The following FAT2 variants were observed in gnomAD, a reference collection of about 807,000 sequenced individuals.
FAT2 encodes FAT atypical cadherin 2, also known as protocadherin Fat 2.
In FAT2, 150 loss-of-function variants were observed where a neutral mutation model predicts 295.3. That is an observed-to-expected ratio of 0.51 (90% CI 0.44 to 0.58). The LOEUF (loss-of-function observed/expected upper bound fraction) is 0.58, where lower values mean the gene tolerates loss of function less well. FAT2 is among the 20% of genes least tolerant of loss of function. The pLI, the probability that FAT2 is intolerant of heterozygous loss-of-function variation, is 0.00. For synonymous variants in FAT2, 2,026 were observed against 2,150.3 expected, an observed-to-expected ratio of 0.94 and a Z score of 1.60; for missense variants, 4,868 against 5,442.7, an observed-to-expected ratio of 0.89 and a Z score of 3.32.
In FAT2 at chr5:151,505,241, G is replaced by A; in HGVS notation, c.*324C>T. The stretch of plus-strand genomic sequence containing the variant: ...CACAGTCAATCAGGCTCTGCCCCGG[G>A]GACTGAGAGCCGGCAGATCAGGGAG... On this transcript the variant is annotated 3_prime_UTR_variant, in exon 24 of 24. Transcript: ENST00000261800. 2 of 434,482 alleles carry A rather than the reference G, an allele frequency of 4.6e-6. No individual in the cohort carries two copies. Among genetic ancestry groups the A allele is most frequent in the Non-Finnish European group, 8.3e-6 (2 of 240,594 alleles). The allele number at this position is 434,482 out of a possible 1,614,324, so 26.9% of individuals were successfully genotyped here.
At chr5:151,553,154 T>C (rs2127626539) in intron 6 of FAT2, 23 bp downstream of exon 6, 1 of 1,611,306 alleles carries the variant, frequency 6.2e-7, no homozygotes, top group East Asian at 2.2e-5. Flanking sequence ...TTGGCCCTTG[T>C]TGGGCCCTAG....
Position 151,546,217 on chromosome 5 carries a change from G to A in FAT2, c.4910C>T (p.Ser1637Phe), listed in dbSNP as rs1277003733. Reference protein sequence around the residue: ...TLTVKAEDQGSPQWHDLATVI... With the variant: ...TLTVKAEDQGFPQWHDLATVI... ...TGTAGCCAGGTCATGCCATTGTGGG[G>A]AGCCTTGATCTTCTGCCTTCACTGT... Residue 1637 changes from serine (S) to phenylalanine (F), a missense_variant, in exon 10 of 24, where the codon TCC becomes TTC. Coordinates refer to ENST00000261800, the MANE Select transcript of FAT2 (RefSeq NM_001447.3). The A allele has an allele frequency of 1.2e-6, 2 of 1,614,052 alleles. No individual in the cohort carries two copies. The highest frequency in any genetic ancestry group is 1.3e-5 in the African/African-American group (1 of 74,932).
intron 1 of FAT2, among the ~76,000 whole-genome samples, chr5:151,589,841 C>A (rs1433692133): frequency 1.3e-5 from 2 of 152,168 alleles, no homozygotes; most frequent in Non-Finnish European, 2.9e-5. Flanking sequence ...GTGGAAGCTG[C>A]ATGATAATGC....
In FAT2 at chr5:151,521,355, C is replaced by G; in HGVS notation, c.11238G>C (p.Lys3746Asn). ...ICHNTVHLDPKVGPTYSTARL... is the reference protein window; with the variant it reads ...ICHNTVHLDPNVGPTYSTARL... ...TGGCGGTGCTGTACGTGGGCCCAAC[C>G]TTGGGGTCCAGATGCACTGTGTTAT... The change falls in exon 19 of 24, where the codon AAG becomes AAC. Residue 3746 changes from lysine (K) to asparagine (N), a missense_variant. Transcript: ENST00000261800. The G allele has an allele frequency of 1.2e-6, 2 of 1,614,224 alleles. No homozygotes were observed. Among genetic ancestry groups the G allele is most frequent in the South Asian group, 1.1e-5 (1 of 91,084 alleles).
intron 20 of FAT2, among the ~76,000 whole-genome samples, chr5:151,516,781 A>G (rs1206831086): frequency 6.6e-6 from 1 of 152,154 alleles, no homozygotes; most frequent in African/African-American, 2.4e-5. Flanking sequence ...ATTAAAATCT[A>G]GTGGCCAAAG....
intron 22 of FAT2, chr5:151,509,693 C>A (rs978071872): frequency 2.9e-5 from 7 of 237,866 alleles, no homozygotes; most frequent in Middle Eastern, 1.5e-3. Context: ...CCAACTGATT[C>A]TACGTTATGG....
chr5:151,526,220 T>G (rs2127585281), intron 17 of FAT2, among the ~76,000 whole-genome samples: 1 of 152,274 alleles, frequency 6.6e-6, no homozygotes, highest in South Asian at 2.1e-4. Context: ...GAAGGATCCT[T>G]AGAGAACAAA....
In FAT2 at chr5:151,521,267, AG is replaced by A. The variant is rs1454674139; in HGVS notation, c.11317+8del. ...TGCTGCTCGTCCCTAGGGAAGATGT[AG>A]TACTTACCATTGCAGGAGCAGCTCC... On this transcript the variant is annotated splice_region_variant and intron_variant, in intron 19 of 23. Coordinates refer to ENST00000261800, the MANE Select transcript of FAT2 (RefSeq NM_001447.3). 3.1e-6 allele frequency: 5 copies of A among 1,595,788 alleles called. No individual in the cohort carries two copies. The highest frequency in any genetic ancestry group is 4.3e-6 in the Non-Finnish European group (5 of 1,168,734).
intron 2 of FAT2, 26 bp downstream of exon 2, chr5:151,565,647 A>ACGGCCCCC: frequency 1.2e-5 from 17 of 1,461,022 alleles, no homozygotes; most frequent in Non-Finnish European, 1.1e-5. Context: ...TGGCCCTGGC[A>ACGGCCCCC]CCCCACCCTA....
Position 151,567,772 on chromosome 5 carries a change from G to T in FAT2, c.1160C>A (p.Thr387Asn). The change falls in exon 2 of 24, where the codon ACC becomes AAC. Residue 387 changes from threonine to asparagine, a missense_variant. Thr to Asn is a moderately conservative substitution (Grantham distance 65). This residue lies in a region of FAT2 where 3,297 missense variants were observed against 3,669.4 expected (regional missense o/e 0.90). Coordinates refer to ENST00000261800, the MANE Select transcript of FAT2 (RefSeq NM_001447.3). ...PGSRVVMVRV[T>N]PAFPNLQYVL... ...ATACTGCAGGTTGGGGAAGGCTGGGGTGACTCTCACCATCACCACGCGGCT... is the reference window on the plus strand; with the variant it reads ...ATACTGCAGGTTGGGGAAGGCTGGGTTGACTCTCACCATCACCACGCGGCT... 6.2e-7 allele frequency: 1 copy of T among 1,614,186 alleles called. No homozygotes were observed. The highest frequency in any genetic ancestry group is 1.1e-5 in the South Asian group (1 of 91,080).
rs1439441988 is a variant in FAT2 at position 151,507,243 on chromosome 5, C to T, written c.12428G>A (p.Ser4143Asn). The T allele has an allele frequency of 6.2e-7, 1 of 1,614,020 alleles. No homozygotes were observed. The highest frequency in any genetic ancestry group is 1.3e-5 in the African/African-American group (1 of 74,934). ...PNSKQRPVVC[S>N]VPPRLPPAAV... The stretch of plus-strand genomic sequence containing the variant: ...AGCTGGCGGGAGTCTGGGGGGCACA[C>T]TGCAGACCACTGGCCGTTGCTTAGA... Residue 4143 changes from serine (S) to asparagine (N), a missense_variant, in exon 23 of 24, where the codon AGT (serine) becomes AAT (asparagine). Transcript: ENST00000261800.
chr5:151,575,076 C>T (rs1192459704), intron 1 of FAT2, among the ~76,000 whole-genome samples: 1 of 152,214 alleles, frequency 6.6e-6, no homozygotes, highest in African/African-American at 2.4e-5. Flanking sequence ...CAGTAAATGG[C>T]AGTCTGAAGT....
chr5:151,587,598 C>T (rs1759227475), intron 1 of FAT2, among the ~76,000 whole-genome samples: 1 of 152,218 alleles, frequency 6.6e-6, no homozygotes, highest in Admixed American at 6.5e-5. Context: ...GCTACTGTCA[C>T]TCCTCCTCTG....
intron 13 of FAT2, among the ~76,000 whole-genome samples, chr5:151,532,859 A>G (rs889276924): frequency 1.3e-5 from 2 of 152,236 alleles, no homozygotes; most frequent in Non-Finnish European, 2.9e-5. Context: ...GTGGAACACA[A>G]ACTTCTCTGG....
Position 151,544,757 on chromosome 5 carries a change from C to A in FAT2, c.6370G>T (p.Asp2124Tyr). The A allele has an allele frequency of 1.2e-6, 2 of 1,614,144 alleles. No homozygotes were observed. Among genetic ancestry groups the A allele is most frequent in the Non-Finnish European group, 1.7e-6 (2 of 1,180,028 alleles). ...TCAAAGGGTTTCTTGAGTGATATGTCCCCAAGATAGGGGTCAATTCGGAAA... is the reference window on the plus strand; with the variant it reads ...TCAAAGGGTTTCTTGAGTGATATGTACCCAAGATAGGGGTCAATTCGGAAA... Reference protein sequence around the residue: ...TYFRIDPYLGDISLKKPFDYQ... With the variant: ...TYFRIDPYLGYISLKKPFDYQ... The change falls in exon 10 of 24, where the codon GAC (aspartate) becomes TAC (tyrosine). Residue 2124 changes from aspartate to tyrosine, a missense_variant. Asp to Tyr is a radical substitution (Grantham distance 160, BLOSUM62 -3). Around this residue, in one of 5 missense-constraint regions of FAT2, gnomAD observed 3,297 missense variants for 3,669.4 expected, o/e 0.90. Coordinates refer to ENST00000261800, the MANE Select transcript of FAT2 (RefSeq NM_001447.3).
chr5:151,591,627 T>C (rs1171494746), upstream of FAT2, among the ~76,000 whole-genome samples: 6 of 125,310 alleles, frequency 4.8e-5, no homozygotes, highest in Non-Finnish European at 8.7e-5. Flanking sequence ...GTCACTTGGC[T>C]GTCAGAACAG....
At chr5:151,589,245 A>G (rs937981641) in intron 1 of FAT2, among the ~76,000 whole-genome samples, 9 of 152,104 alleles carry the variant, frequency 5.9e-5, no homozygotes, top group African/African-American at 2.2e-4. Context: ...CCAGACACAC[A>G]CAGGCTGTCT....
Position 151,568,757 on chromosome 5 carries a change from C to T in FAT2, c.175G>A (p.Gly59Ser). The change falls in exon 2 of 24, where the codon GGC becomes AGC. Residue 59 changes from glycine to serine, a missense_variant. Around this residue, in one of 5 missense-constraint regions of FAT2, gnomAD observed 3,297 missense variants for 3,669.4 expected, o/e 0.90. Transcript: ENST00000261800. Reference sequence around the variant, plus strand: ...CACTGTGGCTCCGCGAGGTAGATGCCCATTTTCTCGAAGCTCTCCACATAG... The same window carrying T: ...CACTGTGGCTCCGCGAGGTAGATGCTCATTTTCTCGAAGCTCTCCACATAG... ...KTYVESFEKM[G>S]IYLAEPQWAV... 4.3e-6 allele frequency: 7 copies of T among 1,614,074 alleles called. No individual in the cohort carries two copies. Among genetic ancestry groups the T allele is most frequent in the Non-Finnish European group, 5.9e-6 (7 of 1,180,008 alleles).
Position 151,542,468 on chromosome 5 carries a change from A to C in FAT2, c.8659T>G (p.Ser2887Ala). 6.2e-7 allele frequency: 1 copy of C among 1,614,178 alleles called. No homozygotes were observed. The highest frequency in any genetic ancestry group is 8.5e-7 in the Non-Finnish European group (1 of 1,180,026). The change falls in exon 10 of 24, where the codon TCC (serine) becomes GCC (alanine). Residue 2887 changes from serine to alanine, a missense_variant. Ser to Ala is a moderately conservative substitution (Grantham distance 99, BLOSUM62 1). Around this residue, in one of 5 missense-constraint regions of FAT2, gnomAD observed 3,297 missense variants for 3,669.4 expected, o/e 0.90. Coordinates refer to ENST00000261800, the MANE Select transcript of FAT2 (RefSeq NM_001447.3). The part of the protein sequence containing the change: ...AYDHGQTIQL[S>A]SQALVQVSIT... Reference sequence around the variant, plus strand: ...GAGACCTGAACCAGGGCCTGAGAGGATAGCTGGATGGTCTGTCCGTGGTCA... The same window carrying C: ...GAGACCTGAACCAGGGCCTGAGAGGCTAGCTGGATGGTCTGTCCGTGGTCA...
Sources: gnomAD v4.1 joint callset for allele counts (sites outside exome capture counted in the v4.1 genomes callset) on GRCh38, gnomAD v4.1.1 for gene constraint, gnomAD v4.1.1 regional missense constraint, MANE v1.5 for transcripts, NCBI Gene and HGNC (gene_info 2026-07-23, HGNC 2026-07-21) for gene names.